Variants in DPP6 observed in about 807,000 individuals in gnomAD.
DPP6 encodes the protein A-type potassium channel modulatory protein DPP6.
Under a neutral mutation model 122.6 loss-of-function variants are expected in DPP6, and 69 were observed. The observed-to-expected ratio is 0.56, with a 90% CI of 0.46 to 0.69. The LOEUF (loss-of-function observed/expected upper bound fraction) is 0.69, where lower values mean the gene tolerates loss of function less well. DPP6 is among the 30% of genes least tolerant of loss of function. DPP6 has a pLI of 0.00. For synonymous variants in DPP6, 418 were observed against 433.1 expected, an observed-to-expected ratio of 0.97 and a Z score of 0.43; for missense variants, 928 against 1,116.9, an observed-to-expected ratio of 0.83 and a Z score of 2.41.
chr7:154,698,129 A>T (rs976216278), intron 7 of DPP6, among the ~76,000 whole-genome samples: 1 of 152,192 alleles, frequency 6.6e-6, no homozygotes. Context: ...GAATAGATGT[A>T]TTTTTTTAGT....
chr7:153,936,507 C>T (rs1358743650), intron 1 of DPP6, among the ~76,000 whole-genome samples: 3 of 152,096 alleles, frequency 2.0e-5, no homozygotes, highest in Non-Finnish European at 4.4e-5. Context: ...GTTAATGCCA[C>T]TGAAATGTGA....
At chr7:154,390,069 T>A (rs10268129) in intron 1 of DPP6, among the ~76,000 whole-genome samples, 1 of 151,852 alleles carries the variant, frequency 6.6e-6, no homozygotes, top group Non-Finnish European at 1.5e-5. Context: ...GGTATGAGTG[T>A]GGAAAGGAGC....
At chr7:154,349,161 G>T (rs1232595820) in intron 1 of DPP6, among the ~76,000 whole-genome samples, 2 of 152,112 alleles carry the variant, frequency 1.3e-5, no homozygotes, top group African/African-American at 4.8e-5. Flanking sequence ...TGTTGTTGTT[G>T]TTGTTTGTTG....
chr7:154,608,215 G>A (rs1038762016), intron 5 of DPP6, among the ~76,000 whole-genome samples: 5 of 150,226 alleles, frequency 3.3e-5, no homozygotes, highest in African/African-American at 7.3e-5. Context: ...TCCTGACCTC[G>A]TGATCCGCCC....
intron 5 of DPP6, among the ~76,000 whole-genome samples, chr7:154,575,442 G>GTGTGTGTATGTGTGTGTGTGATA (rs1554590152): frequency 9.6e-6 from 1 of 104,710 alleles, no homozygotes; most frequent in Non-Finnish European, 1.8e-5. Flanking sequence ...TATGTGTGTG[G>GTGTGTGTATGTGTGTGTGTGATA]TGTGTGTATG....
At chr7:154,219,957 T>C (rs1013481701) in intron 1 of DPP6, among the ~76,000 whole-genome samples, 2 of 152,200 alleles carry the variant, frequency 1.3e-5, no homozygotes, top group Non-Finnish European at 2.9e-5. Flanking sequence ...TGCCGAGAAT[T>C]GTGGTGGCTG....
intron 1 of DPP6, among the ~76,000 whole-genome samples, chr7:154,163,528 C>G (rs1797084258): frequency 6.6e-6 from 1 of 152,134 alleles, no homozygotes; most frequent in East Asian, 1.9e-4. Flanking sequence ...TTTTAGCCCT[C>G]AAATTTTTTC....
intron 1 of DPP6, among the ~76,000 whole-genome samples, chr7:153,961,617 C>T (rs1795356755): frequency 2.0e-5 from 3 of 151,784 alleles, no homozygotes; most frequent in South Asian, 2.1e-4. Context: ...ACTTATTGTG[C>T]ACTTTATTTC....
chr7:153,923,783 G>A (rs6464372), intron 1 of DPP6, among the ~76,000 whole-genome samples: 41,477 of 103,198 alleles, frequency 0.4, 7,134 homozygotes, highest in African/African-American at 0.42. Flanking sequence ...AAAAAAAAAA[G>A]AAGATTCCTT....
In DPP6 at chr7:154,361,603, C is replaced by CAA. The variant is rs34342809; in HGVS notation, c.244-84591_244-84590dup. Among the ~76,000 whole-genome samples, 94 of 57,890 alleles carry CAA rather than the reference C, an allele frequency of 1.6e-3. 1 individual carries two copies. Among genetic ancestry groups the CAA allele is most frequent in the African/African-American group, 3.3e-3 (65 of 19,830 alleles). 38.0% of individuals were successfully genotyped at this position (57,890 alleles called of 152,430 possible). ...AGAAATCTTGAGAATAATTGCTAGC[C>CAA]AAAAAAAAAAAAAAAAAAAAAGAAT... On this transcript the variant is annotated intron_variant, in intron 1 of 25. Transcript: ENST00000377770.
rs190134620 is a variant in DPP6 at position 154,338,732 on chromosome 7, T to C, written c.244-107482T>C. On this transcript the variant is annotated intron_variant, in intron 1 of 25. Coordinates refer to ENST00000377770, the MANE Select transcript of DPP6 (RefSeq NM_130797.4). ...GGGCCTTTTCTAAACAGAACCCCCATTGAATAGAGGAAAACAACCATTCTC... is the reference window on the plus strand; with the variant it reads ...GGGCCTTTTCTAAACAGAACCCCCACTGAATAGAGGAAAACAACCATTCTC... 5.3e-5 allele frequency among the ~76,000 whole-genome samples: 8 copies of C among 152,342 alleles called. No individual in the cohort carries two copies. In the South Asian group the frequency reaches 1.0e-3, roughly 20 times the overall value.
intron 1 of DPP6, among the ~76,000 whole-genome samples, chr7:154,207,952 C>G (rs1248721654): frequency 8.8e-6 from 1 of 114,012 alleles, no homozygotes; most frequent in Non-Finnish European, 1.8e-5. Context: ...GAGACTGCCT[C>G]AAAAAAAAAA....
At chr7:154,309,468 G>A (rs528313963) in intron 1 of DPP6, among the ~76,000 whole-genome samples, 46 of 152,094 alleles carry the variant, frequency 3.0e-4, no homozygotes, top group Non-Finnish European at 5.0e-4. Context: ...TCCATAGAAC[G>A]GACATTGAAA....
chr7:154,411,382 G>A (rs757379290), intron 1 of DPP6, among the ~76,000 whole-genome samples: 1 of 152,104 alleles, frequency 6.6e-6, no homozygotes, highest in South Asian at 2.1e-4. Flanking sequence ...TGGGACCACA[G>A]GCATACACCA....
intron 5 of DPP6, among the ~76,000 whole-genome samples, chr7:154,575,693 A>G (rs1322876479): frequency 0.073 from 6,606 of 90,748 alleles, 508 homozygotes; most frequent in African/African-American, 0.24. Flanking sequence ...TGGTGTGTGT[A>G]TGTGGTGTTT....
chr7:153,930,346 G>A (rs756636110), intron 1 of DPP6, among the ~76,000 whole-genome samples: 83 of 152,150 alleles, frequency 5.5e-4, no homozygotes, highest in Non-Finnish European at 1.3e-4. Flanking sequence ...TGTAGTCAGG[G>A]TAGTCACTGG....
chr7:154,396,298 A>T (rs912290305), intron 1 of DPP6, among the ~76,000 whole-genome samples: 11 of 152,182 alleles, frequency 7.2e-5, no homozygotes, highest in African/African-American at 2.4e-4. Flanking sequence ...TAACATGTCC[A>T]AGCCACCAGG....
intron 1 of DPP6, among the ~76,000 whole-genome samples, chr7:154,342,565 A>G (rs1810026199): frequency 6.6e-6 from 1 of 152,182 alleles, no homozygotes; most frequent in South Asian, 2.1e-4. Flanking sequence ...GACTGCCTGA[A>G]AGATTCATCA....
At chr7:154,132,279 T>C (rs550591030) in intron 1 of DPP6, among the ~76,000 whole-genome samples, 12 of 152,310 alleles carry the variant, frequency 7.9e-5, no homozygotes, top group African/African-American at 2.6e-4. Flanking sequence ...GCTCGCTAAA[T>C]ATATACAAAT....
Sources: gnomAD v4.1 joint callset for allele counts (sites outside exome capture counted in the v4.1 genomes callset) on GRCh38, gnomAD v4.1.1 for gene constraint, MANE v1.5 for transcripts, NCBI Gene and HGNC (gene_info 2026-07-23, HGNC 2026-07-21) for gene names.